The following LHX8 variants were observed in gnomAD, a reference collection of about 807,000 sequenced individuals.
LHX8 encodes the protein LIM/homeobox protein Lhx8.
Under a neutral mutation model 40.3 loss-of-function variants are expected in LHX8, and 12 were observed. That is an observed-to-expected ratio of 0.30 (90% CI 0.19 to 0.48). The LOEUF is 0.48. Among genes scored for constraint, LHX8 ranks in the 20% least tolerant of loss-of-function variants. LHX8 has a pLI of 0.99. For synonymous variants in LHX8, 179 were observed against 162.0 expected (o/e 1.10, Z -0.80); for missense variants, 344 against 433.7 (o/e 0.79, Z 1.84).
At chr1:75,154,218 T>C (rs1648692614) in intron 7 of LHX8, among the ~76,000 whole-genome samples, 1 of 152,172 alleles carries the variant, frequency 6.6e-6, no homozygotes. Context: ...TTTCCTGATG[T>C]CTGGAATCTT....
chr1:75,187,508 A>G, the LHX8 span, among the ~76,000 whole-genome samples: 97 of 152,244 alleles, frequency 6.4e-4, 2 homozygotes, highest in South Asian at 0.019. Flanking sequence ...CTTGTGAGGA[A>G]AGTATTGGGG....
At chr1:75,168,858 T>C in the LHX8 span, among the ~76,000 whole-genome samples, 1 of 152,186 alleles carries the variant, frequency 6.6e-6, no homozygotes, top group East Asian at 1.9e-4. Flanking sequence ...GAAATGTCTC[T>C]AGAATTTACC....
intron 6 of LHX8, among the ~76,000 whole-genome samples, chr1:75,145,518 T>C (rs535082356): frequency 1.6e-4 from 25 of 152,214 alleles, no homozygotes; most frequent in African/African-American, 5.8e-4. Context: ...TTTGTGGAGG[T>C]CTTTTTATGC....
At chr1:75,171,083 G>A in the LHX8 span, among the ~76,000 whole-genome samples, 1 of 152,120 alleles carries the variant, frequency 6.6e-6, no homozygotes, top group Non-Finnish European at 1.5e-5. Context: ...AGGGAGGCAG[G>A]TGGCCTGGGA....
chr1:75,164,474 A>G (rs115043825), downstream of LHX8, among the ~76,000 whole-genome samples: 622 of 152,180 alleles, frequency 4.1e-3, 6 homozygotes, highest in African/African-American at 0.014. Context: ...CCCCAGTGTG[A>G]ATTCTTGGAA....
intron 6 of LHX8, among the ~76,000 whole-genome samples, chr1:75,146,305 A>G (rs1169247499): frequency 6.6e-6 from 1 of 152,128 alleles, no homozygotes; most frequent in Non-Finnish European, 1.5e-5. Flanking sequence ...ATTTTCCAAA[A>G]TTATTCTATA....
the LHX8 span, among the ~76,000 whole-genome samples, chr1:75,183,674 A>G: frequency 2.0e-5 from 3 of 152,256 alleles, no homozygotes; most frequent in Middle Eastern, 3.4e-3. Flanking sequence ...ACAAAAACAC[A>G]CTTAAGTGAA....
chr1:75,159,939 C>A (rs1456737450), intron 8 of LHX8: 2 of 152,110 alleles, frequency 1.3e-5, no homozygotes, highest in African/African-American at 4.8e-5. Flanking sequence ...ACAAATGAAT[C>A]CCTGTTTTGT....
rs945284860 is a variant in LHX8, at chr1:75,134,612, G to T, written c.-355G>T. ...AGTTGGTATGTGATAAGCAGCCCTA[G>T]CAGTGCCATGTATTGGAAGAACGAT... On this transcript the variant is annotated 5_prime_UTR_variant, in exon 1 of 9. Coordinates refer to ENST00000356261, the MANE Select transcript of LHX8 (RefSeq NM_001256114.2). Among the ~76,000 whole-genome samples, 5 of 152,062 alleles carry T rather than the reference G, an allele frequency of 3.3e-5. No individual in the cohort carries two copies. The highest frequency in any genetic ancestry group is 5.9e-5 in the Non-Finnish European group (4 of 68,006).
chr1:75,156,913 A>G lies in LHX8; in HGVS notation c.801A>G (p.Arg267=). 3 of 1,614,160 alleles carry G rather than the reference A, an allele frequency of 1.9e-6. No individual in the cohort carries two copies. The highest frequency in any genetic ancestry group is 2.5e-6 in the Non-Finnish European group (3 of 1,180,034). The part of the protein sequence containing the change: ...RVIQVWFQNC[R]ARHKKHVSPN... ...CTCAGGTGTGGTTTCAGAATTGTAG[A>G]GCACGCCACAAGAAACACGTCAGTC... is the stretch of plus-strand genomic sequence containing the variant. Residue 267 remains arginine, a synonymous_variant, in exon 8 of 9, where the codon AGA becomes AGG. Transcript: ENST00000356261.
the LHX8 span, among the ~76,000 whole-genome samples, chr1:75,190,279 T>C: frequency 1.3e-5 from 2 of 152,192 alleles, no homozygotes; most frequent in African/African-American, 4.8e-5. Flanking sequence ...TCAAGATTAT[T>C]TAAATAGACT....
the LHX8 span, among the ~76,000 whole-genome samples, chr1:75,184,895 A>G: frequency 6.6e-6 from 1 of 151,880 alleles, no homozygotes; most frequent in South Asian, 2.1e-4. Context: ...GATGCAAATA[A>G]AAACAATTAG....
downstream of LHX8, among the ~76,000 whole-genome samples, chr1:75,166,160 C>T (rs74969755): frequency 0.024 from 3,677 of 152,284 alleles, 142 homozygotes; most frequent in African/African-American, 0.076. Flanking sequence ...ACCCCAGGAA[C>T]AAAGCACTTT....
chr1:75,141,431 G>A (rs182082063), intron 4 of LHX8, among the ~76,000 whole-genome samples: 5 of 152,182 alleles, frequency 3.3e-5, no homozygotes, highest in Admixed American at 1.3e-4. Context: ...TTATGACAAC[G>A]CCCCTGTTTG....
At chr1:75,185,585 A>T in the LHX8 span, among the ~76,000 whole-genome samples, 11 of 152,288 alleles carry the variant, frequency 7.2e-5, no homozygotes, top group Admixed American at 2.0e-4. Context: ...CACAGCCAAC[A>T]TCATACTGAA....
chr1:75,168,575 T>G, the LHX8 span, among the ~76,000 whole-genome samples: 1 of 151,754 alleles, frequency 6.6e-6, no homozygotes, highest in African/African-American at 2.4e-5. Flanking sequence ...CAACCCCTCT[T>G]TTTTTTTAAA....
rs756269952 is a variant in LHX8, at chr1:75,143,141, G to A, written c.383G>A (p.Arg128Gln). The A allele has an allele frequency of 1.2e-6, 2 of 1,613,626 alleles. No homozygotes were observed. Among genetic ancestry groups the A allele is most frequent in the South Asian group, 1.1e-5 (1 of 91,062 alleles). Residue 128 changes from arginine to glutamine, a missense_variant, in exon 5 of 9, where the codon CGA becomes CAA. Arg to Gln is a conservative substitution (Grantham distance 43). This residue lies in a region of LHX8 where 147 missense variants were observed against 250.8 expected (regional missense o/e 0.59). Transcript: ENST00000356261. ...AGAAGGTATGGAACTCGCTGCTCTCGATGTGGGAGACACATCCATTCTACT... is the reference window on the plus strand; with the variant it reads ...AGAAGGTATGGAACTCGCTGCTCTCAATGTGGGAGACACATCCATTCTACT... ...YFRRYGTRCS[R>Q]CGRHIHSTDW...
upstream of LHX8, chr1:75,132,968 C>G (rs1005553348): frequency 6.6e-6 from 1 of 152,076 alleles, no homozygotes. Context: ...CCACCACCCC[C>G]AATACCGATT....
intron 8 of LHX8, among the ~76,000 whole-genome samples, chr1:75,157,512 A>G (rs1648802266): frequency 6.6e-6 from 1 of 152,244 alleles, no homozygotes; most frequent in South Asian, 2.1e-4. Context: ...AGCTTGATGA[A>G]TTAATAAAAT....
Sources: gnomAD v4.1 joint callset for allele counts (sites outside exome capture counted in the v4.1 genomes callset) on GRCh38, gnomAD v4.1.1 for gene constraint, gnomAD v4.1.1 regional missense constraint, MANE v1.5 for transcripts, NCBI Gene and HGNC (gene_info 2026-07-23, HGNC 2026-07-21) for gene names.